Variants in UBXN7 observed in about 807,000 individuals in gnomAD.
UBXN7 encodes the protein UBX domain-containing protein 7.
In UBXN7, 9 loss-of-function variants were observed where a neutral mutation model predicts 58.0. That is an observed-to-expected ratio of 0.16 (90% CI 0.09 to 0.27). UBXN7 has a LOEUF of 0.27. Among genes scored for constraint, UBXN7 ranks in the 10% least tolerant of loss-of-function variants. UBXN7 has a pLI of 1.00. For synonymous variants in UBXN7, 208 were observed against 205.0 expected, an observed-to-expected ratio of 1.01 and a Z score of -0.12; for missense variants, 328 against 599.6, an observed-to-expected ratio of 0.55 and a Z score of 4.73.
chr3:196,363,144 C>T (rs981582303), intron 8 of UBXN7, among the ~76,000 whole-genome samples: 4 of 151,738 alleles, frequency 2.6e-5, no homozygotes, highest in African/African-American at 9.7e-5. Flanking sequence ...TGGTCTCAAA[C>T]TCCTGACCTC....
intron 1 of UBXN7, among the ~76,000 whole-genome samples, chr3:196,424,295 T>C (rs994620232): frequency 5.9e-5 from 9 of 152,014 alleles, no homozygotes; most frequent in Admixed American, 1.3e-4. Flanking sequence ...CCCCCGGATG[T>C]TGGTGTTCCT....
chr3:196,415,918 T>C (rs542023907), intron 1 of UBXN7, among the ~76,000 whole-genome samples: 1 of 152,348 alleles, frequency 6.6e-6, no homozygotes, highest in African/African-American at 2.4e-5. Context: ...AACATCTGCG[T>C]CCCAATGAAC....
chr3:196,387,695 C>T (rs1729452545), intron 5 of UBXN7, among the ~76,000 whole-genome samples: 1 of 152,168 alleles, frequency 6.6e-6, no homozygotes, highest in Admixed American at 6.5e-5. Flanking sequence ...TGAAAAAATG[C>T]TCATCATCAC....
chr3:196,393,629 G>GA lies in UBXN7; in HGVS notation c.290-11dup, dbSNP rs775487587. 9 of 1,598,618 alleles carry GA rather than the reference G, an allele frequency of 5.6e-6. No individual in the cohort carries two copies. Among genetic ancestry groups the GA allele is most frequent in the African/African-American group, 2.7e-5 (2 of 73,918 alleles). ...CGTCGTCTTTTAGGAGCTTTGGGGA[G>GA]AAAAAATAGAATTGAAAATTTTTTA... On this transcript the variant is annotated splice_polypyrimidine_tract_variant and intron_variant, in intron 3 of 10. Transcript: ENST00000296328.
intron 5 of UBXN7, among the ~76,000 whole-genome samples, chr3:196,389,857 A>AT (rs1321174118): frequency 6.6e-6 from 1 of 152,218 alleles, no homozygotes; most frequent in Non-Finnish European, 1.5e-5. Flanking sequence ...GTGTAAAAGT[A>AT]TATCAAAGGA....
chr3:196,382,586 G>C (rs113851638), intron 5 of UBXN7, among the ~76,000 whole-genome samples: 1 of 152,014 alleles, frequency 6.6e-6, no homozygotes, highest in Non-Finnish European at 1.5e-5. Context: ...TCAACTAATG[G>C]GCAAAATAAC....
intron 7 of UBXN7, among the ~76,000 whole-genome samples, chr3:196,368,797 A>G (rs973968290): frequency 2.0e-5 from 3 of 152,150 alleles, no homozygotes; most frequent in Admixed American, 6.6e-5. Context: ...GGCAATCTTA[A>G]TATTTTAATG....
chr3:196,376,300 T>C (rs754013358), intron 5 of UBXN7, among the ~76,000 whole-genome samples: 2 of 152,020 alleles, frequency 1.3e-5, no homozygotes, highest in African/African-American at 2.4e-5. Flanking sequence ...CACAGCACTT[T>C]GGGAGGCCGA....
At chr3:196,431,461 T>C (rs7374260) in intron 1 of UBXN7, 75,868 of 152,872 alleles carry the variant, frequency 0.5, 19,211 homozygotes, top group East Asian at 0.84. Flanking sequence ...TCTGCGTGTG[T>C]CCTTCGCAGG....
chr3:196,349,698 A>G lies in UBXN7; in HGVS notation c.*6987T>C, dbSNP rs2108820809. On this transcript the variant is annotated 3_prime_UTR_variant, in exon 11 of 11. Coordinates refer to ENST00000296328, the MANE Select transcript of UBXN7 (RefSeq NM_015562.2). ...AAGAATCTCTCCCTTATCAGTTAAG[A>G]GTTCCATACTGAGTCTATGAAAAAA... 6.6e-6 allele frequency: 1 copy of G among 152,342 alleles called. No homozygotes were observed. Among genetic ancestry groups the G allele is most frequent in the Non-Finnish European group, 1.5e-5 (1 of 68,026 alleles). 9.4% of individuals were successfully genotyped at this position (152,342 alleles called of 1,614,324 possible).
chr3:196,361,079 A>T (rs759318077), intron 10 of UBXN7, among the ~76,000 whole-genome samples: 7 of 152,188 alleles, frequency 4.6e-5, no homozygotes, highest in Admixed American at 2.0e-4. Flanking sequence ...TTCACAACTC[A>T]TAGGAAGTCA....
At chr3:196,412,749 A>T (rs1343679879) in intron 1 of UBXN7, among the ~76,000 whole-genome samples, 1 of 152,216 alleles carries the variant, frequency 6.6e-6, no homozygotes, top group African/African-American at 2.4e-5. Context: ...GCCTTGAAAA[A>T]GAAGGAAATT....
chr3:196,377,640 T>C (rs903465650), intron 5 of UBXN7, among the ~76,000 whole-genome samples: 1 of 151,814 alleles, frequency 6.6e-6, no homozygotes, highest in Non-Finnish European at 1.5e-5. Flanking sequence ...ACAGCCCCCC[T>C]CTCTCCTTCC....
chr3:196,377,640 T>A (rs903465650), intron 5 of UBXN7, among the ~76,000 whole-genome samples: 1 of 151,814 alleles, frequency 6.6e-6, no homozygotes, highest in South Asian at 2.1e-4. Flanking sequence ...ACAGCCCCCC[T>A]CTCTCCTTCC....
chr3:196,394,230 G>GT (rs1729679209), intron 3 of UBXN7, among the ~76,000 whole-genome samples: 1 of 144,292 alleles, frequency 6.9e-6, no homozygotes, highest in African/African-American at 2.6e-5. Flanking sequence ...AGAGGTTGCA[G>GT]TAAGCCAAGA....
At chr3:196,361,695 T>C (rs1728509101) in intron 10 of UBXN7, 149 bp downstream of exon 10, 1 of 632,406 alleles carries the variant, frequency 1.6e-6, no homozygotes, top group Non-Finnish European at 2.6e-6. Flanking sequence ...AATTAAGTTA[T>C]GTGCTTTTTT....
intron 1 of UBXN7, chr3:196,431,424 G>A (rs972610243): frequency 6.5e-6 from 1 of 152,694 alleles, no homozygotes; most frequent in Non-Finnish European, 1.5e-5. Flanking sequence ...AATGGCTTTA[G>A]GGCCTTTCCT....
Position 196,363,219 on chromosome 3 carries a change from C to T in UBXN7, c.835-532G>A, listed in dbSNP as rs776605423. Among the ~76,000 whole-genome samples, 10 of 111,774 alleles carry T rather than the reference C, an allele frequency of 8.9e-5. No homozygotes were observed. The South Asian group carries it at 2.9e-3, about 32-fold the overall frequency. 73.3% of individuals were successfully genotyped at this position (111,774 alleles called of 152,430 possible). ...CACCTGGCACATACATACATACATA[C>T]ATACATACATACATACATACATACA... On this transcript the variant is annotated intron_variant, in intron 8 of 10. Transcript: ENST00000296328.
At chr3:196,393,375 C>A (rs887205985) in intron 4 of UBXN7, among the ~76,000 whole-genome samples, 179 bp downstream of exon 4, 3 of 152,084 alleles carry the variant, frequency 2.0e-5, no homozygotes, top group Non-Finnish European at 4.4e-5. Flanking sequence ...TTTCTATAAC[C>A]AAATAGGTTA....
Sources: gnomAD v4.1 joint callset for allele counts (sites outside exome capture counted in the v4.1 genomes callset) on GRCh38, gnomAD v4.1.1 for gene constraint, MANE v1.5 for transcripts, NCBI Gene and HGNC (gene_info 2026-07-23, HGNC 2026-07-21) for gene names.